The following SPOCD1 variants were observed in gnomAD, a reference collection of about 807,000 sequenced individuals.
SPOCD1 encodes SPOC domain-containing protein 1.
Under a neutral mutation model 92.2 loss-of-function variants are expected in SPOCD1, and 64 were observed. That is an observed-to-expected ratio of 0.69 (90% confidence interval 0.57 to 0.86). The LOEUF (loss-of-function observed/expected upper bound fraction) is 0.86. Ranked by LOEUF, SPOCD1 falls within the 40% of genes least tolerant of loss-of-function variation. SPOCD1 has a pLI of 0.00. For missense variants in SPOCD1, 1,360 were observed against 1,543.1 expected (o/e 0.88, Z 1.99); for synonymous variants, 578 against 619.3 (o/e 0.93, Z 0.99).
intron 15 of SPOCD1, among the ~76,000 whole-genome samples, chr1:31,791,713 A>AGGTCC (rs1025276296): frequency 2.6e-5 from 4 of 152,208 alleles, no homozygotes; most frequent in African/African-American, 9.6e-5. Context: ...AAGTGTGTGT[A>AGGTCC]GGTCCTGACT....
chr1:31,803,854 A>G (rs1648637436), intron 2 of SPOCD1, among the ~76,000 whole-genome samples: 1 of 151,712 alleles, frequency 6.6e-6, no homozygotes, highest in South Asian at 2.1e-4. Flanking sequence ...AAGAAGAAAG[A>G]AAGGTAGGAA....
At position 31,799,459 on chromosome 1, in the gene SPOCD1, G is replaced by A. The variant is rs1648278497; in HGVS notation, c.1810C>T (p.Leu604=). 6.2e-7 allele frequency: 1 copy of A among 1,611,996 alleles called. No homozygotes were observed. Among genetic ancestry groups the A allele is most frequent in the Non-Finnish European group, 8.5e-7 (1 of 1,179,262 alleles). ...SAQLQQEKPS[L]YIGVRGTVVR... The stretch of plus-strand genomic sequence containing the variant: ...ACAGTGCCCCGCACCCCAATATACA[G>A]GGATGGCTTCTCCTGTTGGAGCTGA... The change falls in exon 7 of 16, where the codon CTG becomes TTG. Residue 604 remains leucine, a synonymous_variant. Coordinates refer to ENST00000360482, the MANE Select transcript of SPOCD1 (RefSeq NM_144569.7).
intron 3 of SPOCD1, among the ~76,000 whole-genome samples, chr1:31,801,415 T>C (rs1348523487): frequency 3.3e-5 from 5 of 152,194 alleles, no homozygotes; most frequent in Non-Finnish European, 7.3e-5. Flanking sequence ...CAGGGAATTG[T>C]TTTAAAAGTA....
intron 2 of SPOCD1, among the ~76,000 whole-genome samples, chr1:31,808,631 A>G (rs1200383779): frequency 6.6e-6 from 1 of 152,140 alleles, no homozygotes; most frequent in African/African-American, 2.4e-5. Context: ...AAAATCCAGA[A>G]TAAGTCACGG....
At chr1:31,799,377 G>C (rs1163172080) in intron 7 of SPOCD1, 24 bp downstream of exon 7, 2 of 1,591,990 alleles carry the variant, frequency 1.3e-6, no homozygotes, top group Admixed American at 1.8e-5. Flanking sequence ...TGGGATGTCA[G>C]GGGAGTGGGG....
intron 10 of SPOCD1, chr1:31,796,215 G>A (rs934321643): frequency 2.8e-6 from 1 of 355,332 alleles, no homozygotes; most frequent in African/African-American, 2.1e-5. Context: ...GAATACAGTG[G>A]GTCTTCGTTC....
At position 31,814,358 on chromosome 1, in the gene SPOCD1, C is replaced by T. The variant is rs956354157; in HGVS notation, c.976G>A (p.Ala326Thr). 7 of 1,600,712 alleles carry T rather than the reference C, an allele frequency of 4.4e-6. No individual in the cohort carries two copies. Among genetic ancestry groups the T allele is most frequent in the African/African-American group, 1.3e-5 (1 of 74,810 alleles). Residue 326 changes from alanine (A) to threonine (T), a missense_variant, in exon 2 of 16, where the codon GCA becomes ACA. Transcript: ENST00000360482. This position sits in a 1 kb window ranked among gnomAD's most constrained non-coding sequence, Gnocchi z 4.2. ...GCTGACGCCCCCAGGCACAGTGCTG[C>T]GCTCTGTGGAGGAGCCTGTGCAGCT... ...SSAAQAPPQS[A>T]ALCLGASAQA...
chr1:31,792,559 C>G, intron 14 of SPOCD1, 119 bp downstream of exon 14: 2 of 1,125,766 alleles, frequency 1.8e-6, no homozygotes, highest in South Asian at 1.5e-5. Context: ...CACAGTGAGT[C>G]TGCAGTCACT....
Position 31,814,592 on chromosome 1 carries a change from C to T in SPOCD1, c.742G>A (p.Asp248Asn), listed in dbSNP as rs560203958. 18 of 1,529,504 alleles carry T rather than the reference C, an allele frequency of 1.2e-5. No homozygotes were observed. In the East Asian group the frequency reaches 4.1e-4, roughly 35 times the overall value. The allele number at this position is 1,529,504 out of a possible 1,614,324, so 94.7% of individuals were successfully genotyped here. A position where few individuals can be genotyped will look rare whatever the true frequency, so the allele number is the denominator to read the frequency against. ...CAAGGGCCTCCCAAGGACTCCAGGT[C>T]AGCAACTTGGGGAGGGTCTCCCACA... ...LSVGDPPQVA[D>N]LESLGGPCRP... The change falls in exon 2 of 16, where the codon GAC becomes AAC. Residue 248 changes from aspartate (D) to asparagine (N), a missense_variant. Around this residue, in one of 3 missense-constraint regions of SPOCD1, gnomAD observed 606 missense variants for 601.5 expected, o/e 1.01. Transcript: ENST00000360482. This position sits in a 1 kb window ranked among gnomAD's most constrained non-coding sequence, Gnocchi z 4.2.
intron 15 of SPOCD1, 72 bp downstream of exon 15, chr1:31,792,143 C>T: frequency 6.6e-7 from 1 of 1,504,204 alleles, no homozygotes; most frequent in Non-Finnish European, 9.0e-7. Context: ...TACTGGGTGA[C>T]TGTGTCAACC....
At chr1:31,813,837 G>A (rs770975505) in intron 2 of SPOCD1, 114 bp downstream of exon 2, 3 of 955,600 alleles carry the variant, frequency 3.1e-6, no homozygotes, top group Non-Finnish European at 4.4e-6. Context: ...ATAGGGATGT[G>A]AGAATGTTCA....
At chr1:31,803,884 G>A (rs1233772189) in intron 2 of SPOCD1, among the ~76,000 whole-genome samples, 2 of 150,660 alleles carry the variant, frequency 1.3e-5, no homozygotes, top group Non-Finnish European at 3.0e-5. Context: ...AAGGAAGGAA[G>A]AAAGGAAGGA....
At chr1:31,799,700 T>G in intron 6 of SPOCD1, 109 bp downstream of exon 6, 1 of 1,367,762 alleles carries the variant, frequency 7.3e-7, no homozygotes, top group Non-Finnish European at 1.0e-6. Context: ...TGATGGGATG[T>G]GGGGAGAGAA....
rs147420942 is a variant in SPOCD1 at position 31,803,816 on chromosome 1, GAGA to G, written c.1384-2114_1384-2112del. ...AAAGGAAAGGGAAAGGAAAGGAAAGGAGAAGAAGGAGGAGGAGGAGGGAAAGAA... is the reference window on the plus strand; with the variant it reads ...AAAGGAAAGGGAAAGGAAAGGAAAGGAGAAGGAGGAGGAGGAGGGAAAGAA... On this transcript the variant is annotated intron_variant, in intron 2 of 15. Transcript: ENST00000360482. Among the ~76,000 whole-genome samples, 42 of 150,794 alleles carry G rather than the reference GAGA, an allele frequency of 2.8e-4. No individual in the cohort carries two copies. The East Asian group carries it at 7.0e-3, about 25-fold the overall frequency.
intron 2 of SPOCD1, among the ~76,000 whole-genome samples, chr1:31,807,622 C>T (rs1239195647): frequency 6.6e-6 from 1 of 151,362 alleles, no homozygotes; most frequent in African/African-American, 2.4e-5. Context: ...AACTAATGAA[C>T]TAAGCATAAT....
chr1:31,809,538 A>AC (rs34290077), intron 2 of SPOCD1, among the ~76,000 whole-genome samples: 3 of 151,594 alleles, frequency 2.0e-5, no homozygotes, highest in African/African-American at 7.3e-5. Flanking sequence ...AAAAAAAAAA[A>AC]CACCAAAAAA....
rs112643623 is a variant in SPOCD1 at position 31,805,939 on chromosome 1, A to T, written c.1384-4234T>A. On this transcript the variant is annotated intron_variant, in intron 2 of 15. Coordinates refer to ENST00000360482, the MANE Select transcript of SPOCD1 (RefSeq NM_144569.7). ...AATGGAATAATATACGAACAGGCAA[A>T]TAACCAACCAAAATAAAGCTTTGTA... Among the ~76,000 whole-genome samples, 546 of 152,326 alleles carry T rather than the reference A, an allele frequency of 3.6e-3. 4 individuals carry two copies. Among genetic ancestry groups the T allele is most frequent in the East Asian group, 0.015 (79 of 5,194 alleles).
intron 4 of SPOCD1, 54 bp downstream of exon 4, chr1:31,800,387 C>A: frequency 6.7e-7 from 1 of 1,487,410 alleles, no homozygotes; most frequent in South Asian, 1.3e-5. Flanking sequence ...CTCTGTGAAT[C>A]AGGTGTGAAG....
intron 2 of SPOCD1, among the ~76,000 whole-genome samples, chr1:31,808,760 T>G (rs1649007543): frequency 6.6e-6 from 1 of 152,162 alleles, no homozygotes; most frequent in Admixed American, 6.6e-5. Context: ...AAACTGTCAT[T>G]TGTCTACATA....
Sources: gnomAD v4.1 joint callset for allele counts (sites outside exome capture counted in the v4.1 genomes callset) on GRCh38, gnomAD v4.1.1 for gene constraint, gnomAD v4.1.1 regional missense constraint, Gnocchi (gnomAD v3.1) non-coding constraint, MANE v1.5 for transcripts, NCBI Gene and HGNC (gene_info 2026-07-23, HGNC 2026-07-21) for gene names.